FKTN: variants seen among roughly 807,000 people sequenced by gnomAD.
The protein encoded by FKTN is fukutin, also known as ribitol-5-phosphate transferase FKTN.
FKTN carries 47 observed loss-of-function variants against 58.6 expected under a neutral mutation model. The observed-to-expected ratio is 0.80, with a 90% CI of 0.63 to 1.02. The LOEUF is 1.02. Ranked by LOEUF, FKTN falls within the 50% of genes least tolerant of loss-of-function variation. The pLI is 0.00. For synonymous variants in FKTN, 178 were observed against 191.9 expected, an observed-to-expected ratio of 0.93 and a Z score of 0.60; for missense variants, 516 against 537.3, an observed-to-expected ratio of 0.96 and a Z score of 0.39.
At chr9:105,601,021 G>C in intron 4 of FKTN, 124 bp from the exon 5 acceptor site, 1 of 649,528 alleles carries the variant, frequency 1.5e-6, no homozygotes, top group Non-Finnish European at 2.8e-6. Flanking sequence ...TTAGCACAAT[G>C]ATAAGCATGG....
rs2010861 is a variant in FKTN at position 105,640,524 on chromosome 9, G to T, written c.*5260G>T. The T allele has an allele frequency of 0.12, 19,205 of 156,320 alleles. 1,522 individuals carry two copies. Among genetic ancestry groups the T allele is most frequent in the Admixed American group, 0.23 (3,469 of 15,390 alleles). 9.7% of individuals were successfully genotyped at this position (156,320 alleles called of 1,614,324 possible). A position where few individuals can be genotyped will look rare whatever the true frequency, so the allele number is the denominator to read the frequency against. On this transcript the variant is annotated 3_prime_UTR_variant, in exon 11 of 11. Coordinates refer to ENST00000357998, the MANE Select transcript of FKTN (RefSeq NM_001079802.2). Reference sequence around the variant, plus strand: ...GCCAAGATCGCGGCATTGCACTTCAGCCTGGGCGATAGAGCAAGACTCTGT... The same window carrying T: ...GCCAAGATCGCGGCATTGCACTTCATCCTGGGCGATAGAGCAAGACTCTGT...
rs184045930 is a variant in FKTN at position 105,635,339 on chromosome 9, T to C, written c.*75T>C. 2.5e-4 allele frequency: 398 copies of C among 1,601,424 alleles called. No individual in the cohort carries two copies. The African/African-American group carries it at 4.4e-3, about 18-fold the overall frequency. Reference sequence around the variant, plus strand: ...AACTGTTTAAAAAATACATGTCTATTTGTCAAACATAAGTGGGAACCAAAG... The same window carrying C: ...AACTGTTTAAAAAATACATGTCTATCTGTCAAACATAAGTGGGAACCAAAG... On this transcript the variant is annotated 3_prime_UTR_variant, in exon 11 of 11. Transcript: ENST00000357998.
At chr9:105,595,286 A>G (rs1826562951) in intron 3 of FKTN, among the ~76,000 whole-genome samples, 1 of 152,190 alleles carries the variant, frequency 6.6e-6, no homozygotes, top group African/African-American at 2.4e-5. Flanking sequence ...ACTAAAAATC[A>G]CTTTAGAAAG....
intron 10 of FKTN, 50 bp downstream of exon 10, chr9:105,620,111 C>T (rs765709686): frequency 6.7e-7 from 1 of 1,499,000 alleles, no homozygotes; most frequent in Non-Finnish European, 9.2e-7. Flanking sequence ...GAAATAATTT[C>T]AGGAGGTAGA....
intron 4 of FKTN, among the ~76,000 whole-genome samples, chr9:105,597,281 T>A (rs971243437): frequency 2.6e-5 from 4 of 152,190 alleles, no homozygotes; most frequent in African/African-American, 9.6e-5. Flanking sequence ...AATCTTTGGC[T>A]TCTCTATAAC....
rs1394215091 is a variant in FKTN, at chr9:105,601,839, T to G, written c.369+491T>G. ...GAATATTTTATAATGTCCCTTTATA[T>G]TCCCCAAATGAAGTTCATAGAAATT... is the stretch of plus-strand genomic sequence containing the variant. On this transcript the variant is annotated intron_variant, in intron 5 of 10. Coordinates refer to ENST00000357998, the MANE Select transcript of FKTN (RefSeq NM_001079802.2). 3.9e-5 allele frequency among the ~76,000 whole-genome samples: 6 copies of G among 152,224 alleles called. No individual in the cohort carries two copies. The East Asian group carries it at 1.2e-3, about 29-fold the overall frequency.
intron 1 of FKTN, among the ~76,000 whole-genome samples, chr9:105,567,563 A>C (rs1212260653): frequency 6.6e-6 from 1 of 152,240 alleles, no homozygotes; most frequent in African/African-American, 2.4e-5. Flanking sequence ...AGAATAAAAT[A>C]CCTAGGAATC....
At chr9:105,601,028 A>C in intron 4 of FKTN, 117 bp from the exon 5 acceptor site, 1 of 667,722 alleles carries the variant, frequency 1.5e-6, no homozygotes. Flanking sequence ...AATGATAAGC[A>C]TGGTATCTAT....
At chr9:105,618,223 C>A in intron 9 of FKTN, 131 bp downstream of exon 9, 1 of 799,364 alleles carries the variant, frequency 1.3e-6, no homozygotes, top group South Asian at 1.5e-5. Flanking sequence ...AGGATGAGTT[C>A]AGCAGAAGCC....
At position 105,614,036 on chromosome 9, in the gene FKTN, G is replaced by A. The variant is rs572648433; in HGVS notation, c.781-1242G>A. Among the ~76,000 whole-genome samples, 4 of 152,260 alleles carry A rather than the reference G, an allele frequency of 2.6e-5. No homozygotes were observed. The South Asian group carries it at 8.3e-4, about 32-fold the overall frequency. The stretch of plus-strand genomic sequence containing the variant: ...AGTTACAAGTTATTGTGGTATATTT[G>A]GGGGTTTACAAGTTATAAGATGAAG... On this transcript the variant is annotated intron_variant, in intron 7 of 10. Transcript: ENST00000357998.
intron 4 of FKTN, among the ~76,000 whole-genome samples, chr9:105,599,673 T>C (rs1827507665): frequency 6.6e-6 from 1 of 151,944 alleles, no homozygotes; most frequent in Non-Finnish European, 1.5e-5. Context: ...CCGGCTAATT[T>C]TTGTATTTTT....
At position 105,636,270 on chromosome 9, in the gene FKTN, T is replaced by TA; in HGVS notation, c.*1007dup. 1.1e-6 allele frequency: 1 copy of TA among 947,356 alleles called. No individual in the cohort carries two copies. The highest frequency in any genetic ancestry group is 1.3e-6 in the Non-Finnish European group (1 of 795,394). The allele number at this position is 947,356 out of a possible 1,614,324, so 58.7% of individuals were successfully genotyped here. A position where few individuals can be genotyped will look rare whatever the true frequency, so the allele number is the denominator to read the frequency against. On this transcript the variant is annotated 3_prime_UTR_variant, in exon 11 of 11. Transcript: ENST00000357998. Reference sequence around the variant, plus strand: ...CTCTTTATTATCTTCATTTATCAATTACAGCTTCGTATCTCTAATTTATGG... The same window carrying TA: ...CTCTTTATTATCTTCATTTATCAATTAACAGCTTCGTATCTCTAATTTATGG...
At chr9:105,593,410 A>G (rs1220636851) in intron 3 of FKTN, among the ~76,000 whole-genome samples, 1 of 152,200 alleles carries the variant, frequency 6.6e-6, no homozygotes, top group Admixed American at 6.5e-5. Flanking sequence ...ACAATTCAGT[A>G]TGAGATTTGG....
intron 10 of FKTN, among the ~76,000 whole-genome samples, chr9:105,620,329 A>G (rs1831641912): frequency 6.6e-6 from 1 of 152,206 alleles, no homozygotes; most frequent in Non-Finnish European, 1.5e-5. Flanking sequence ...AGAGAGAATG[A>G]GAATGAGAAC....
chr9:105,593,614 A>G (rs900722799), intron 3 of FKTN, among the ~76,000 whole-genome samples: 2 of 152,058 alleles, frequency 1.3e-5, no homozygotes, highest in Non-Finnish European at 2.9e-5. Context: ...TTAAAGGGGG[A>G]GAAAGAAAGT....
chr9:105,563,537 C>T (rs1441391836), intron 1 of FKTN, among the ~76,000 whole-genome samples: 5 of 151,856 alleles, frequency 3.3e-5, no homozygotes, highest in East Asian at 1.9e-4. Flanking sequence ...CCTATGCCCA[C>T]GGAGCCTCAC....
intron 8 of FKTN, among the ~76,000 whole-genome samples, chr9:105,615,721 A>C (rs1830682375): frequency 6.6e-6 from 1 of 152,034 alleles, no homozygotes; most frequent in Non-Finnish European, 1.5e-5. Flanking sequence ...CAAGACCACC[A>C]GTGGATGCCT....
In FKTN at chr9:105,631,745, A is replaced by G. The variant is rs1309142376; in HGVS notation, c.1173-3306A>G. On this transcript the variant is annotated intron_variant, in intron 10 of 10. Transcript: ENST00000357998. ...ACCATCTCACACCAGTTAGAATGGC[A>G]ATCATTAAAAAGTCAGGAAACAACA... is the stretch of plus-strand genomic sequence containing the variant. Among the ~76,000 whole-genome samples, 43 of 146,470 alleles carry G rather than the reference A, an allele frequency of 2.9e-4. No individual in the cohort carries two copies. The South Asian group carries it at 7.6e-3, about 26-fold the overall frequency.
intron 1 of FKTN, among the ~76,000 whole-genome samples, chr9:105,564,313 G>T (rs1838938532): frequency 6.6e-6 from 1 of 152,240 alleles, no homozygotes; most frequent in Non-Finnish European, 1.5e-5. Context: ...ACTTCGACAA[G>T]TTGAGAGAAG....
Sources: allele counts gnomAD v4.1 joint callset (sites outside exome capture counted in the v4.1 genomes callset), GRCh38; gene constraint gnomAD v4.1.1; transcripts MANE v1.5; gene names NCBI Gene and HGNC (gene_info 2026-07-23, HGNC 2026-07-21).